Variants in TRUB2 observed in about 807,000 individuals in gnomAD.
The protein encoded by TRUB2 is TruB pseudouridine synthase family member 2.
Under a neutral mutation model 31.9 loss-of-function variants are expected in TRUB2, and 31 were observed. That is an observed-to-expected ratio of 0.97 (90% CI 0.73 to 1.31). TRUB2 has a LOEUF of 1.31. Ranked by LOEUF, TRUB2 falls within the 50% of genes most tolerant of loss-of-function variation. The pLI is 0.00. For synonymous variants in TRUB2, 201 were observed against 182.6 expected (o/e 1.10, Z -0.81); for missense variants, 451 against 439.6 (o/e 1.03, Z -0.23).
chr9:128,314,249 T>C (rs1232748006), intron 4 of TRUB2, among the ~76,000 whole-genome samples: 1 of 152,102 alleles, frequency 6.6e-6, no homozygotes, highest in Non-Finnish European at 1.5e-5. Context: ...CCTCCAAAGG[T>C]ACTGACCGCT....
In TRUB2 at chr9:128,309,207, A is replaced by G; in HGVS notation, c.*343T>C. 4.0e-6 allele frequency: 1 copy of G among 251,948 alleles called. No individual in the cohort carries two copies. Among genetic ancestry groups the G allele is most frequent in the Non-Finnish European group, 7.7e-6 (1 of 130,124 alleles). 15.6% of individuals were successfully genotyped at this position (251,948 alleles called of 1,614,324 possible). On this transcript the variant is annotated 3_prime_UTR_variant, in exon 8 of 8. Transcript: ENST00000372890. The stretch of plus-strand genomic sequence containing the variant: ...TCATATGTTCCCCAGACTAGAGTGC[A>G]GTGGCTATTCACAGGCGCCGTCTAG...
Position 128,309,328 on chromosome 9 carries a change from G to A in TRUB2, c.*222C>T. Reference sequence around the variant, plus strand: ...AAGTGCCCGCCACCACGCCTGGTCTGCCAATACTTTCTATCAGTCTGTCAT... The same window carrying A: ...AAGTGCCCGCCACCACGCCTGGTCTACCAATACTTTCTATCAGTCTGTCAT... On this transcript the variant is annotated 3_prime_UTR_variant, in exon 8 of 8. Transcript: ENST00000372890. 1 of 560,882 alleles carries A rather than the reference G, an allele frequency of 1.8e-6. No individual in the cohort carries two copies. The highest frequency in any genetic ancestry group is 3.0e-5 in the East Asian group (1 of 33,674). The allele number at this position is 560,882 out of a possible 1,614,324, so 34.7% of individuals were successfully genotyped here.
At chr9:128,313,094 G>A (rs958057921) in intron 5 of TRUB2, among the ~76,000 whole-genome samples, 3 of 151,976 alleles carry the variant, frequency 2.0e-5, no homozygotes, top group African/African-American at 4.8e-5. Flanking sequence ...GTGTGCACCT[G>A]TAATCTCAGC....
At chr9:128,313,703 T>A in intron 5 of TRUB2, 105 bp downstream of exon 5, 1 of 983,336 alleles carries the variant, frequency 1.0e-6, no homozygotes, top group South Asian at 1.4e-5. Context: ...CCAAGCCTAG[T>A]GTGTGCAGTG....
At chr9:128,316,913 C>G (rs1228963850) in intron 3 of TRUB2, 2 of 506,184 alleles carry the variant, frequency 4.0e-6, no homozygotes, top group Non-Finnish European at 7.0e-6. Flanking sequence ...GCATAAAGGG[C>G]CTCGAACTAT....
Position 128,306,767 on chromosome 9 carries a change from A to C in TRUB2, c.*2783T>G. The C allele has an allele frequency of 6.9e-6, 1 of 144,372 alleles. No homozygotes were observed. Among genetic ancestry groups the C allele is most frequent in the South Asian group, 2.2e-4 (1 of 4,636 alleles). 8.9% of individuals were successfully genotyped at this position (144,372 alleles called of 1,614,324 possible). A position where few individuals can be genotyped will look rare whatever the true frequency, so the allele number is the denominator to read the frequency against. ...TTTTTCTTTTCTGAGACAGAGTCTC[A>C]CTCTCTCGTCCAGACTGGAGTGCAG... On this transcript the variant is annotated 3_prime_UTR_variant, in exon 8 of 8. Coordinates refer to ENST00000372890, the MANE Select transcript of TRUB2 (RefSeq NM_015679.3).
chr9:128,317,167 C>G lies in TRUB2; in HGVS notation c.301G>C (p.Ala101Pro), dbSNP rs1368955876. 1.3e-6 allele frequency: 2 copies of G among 1,585,068 alleles called. No homozygotes were observed. Among genetic ancestry groups the G allele is most frequent in the African/African-American group, 1.3e-5 (1 of 74,348 alleles). ...VGVGHRLDAQ[A>P]SGVLVLGVGH... ...CATCACCTACCAAGTACTCCAGAAG[C>G]CTGGGCATCCAACCGATGTCCCACG... The change falls in exon 3 of 8, where the codon GCT (alanine) becomes CCT (proline). Residue 101 changes from alanine (A) to proline (P), a missense_variant. By Grantham distance (27) the Ala-to-Pro change is conservative. Coordinates refer to ENST00000372890, the MANE Select transcript of TRUB2 (RefSeq NM_015679.3).
intron 5 of TRUB2, among the ~76,000 whole-genome samples, chr9:128,312,964 C>T (rs888356604): frequency 1.8e-4 from 28 of 151,834 alleles, no homozygotes; most frequent in Non-Finnish European, 3.1e-4. Flanking sequence ...ACCTGTAATC[C>T]CAGCACTTTG....
intron 5 of TRUB2, among the ~76,000 whole-genome samples, chr9:128,313,301 C>T (rs1314583653): frequency 1.3e-5 from 2 of 149,738 alleles, no homozygotes; most frequent in Admixed American, 6.7e-5. Flanking sequence ...CCAAGGAGGG[C>T]GGATCATGAG....
rs1353615450 is a variant in TRUB2 at position 128,309,636 on chromosome 9, T to G, written c.910A>C (p.Thr304Pro). The G allele has an allele frequency of 6.2e-7, 1 of 1,614,038 alleles. No individual in the cohort carries two copies. The highest frequency in any genetic ancestry group is 2.2e-5 in the East Asian group (1 of 44,862). The change falls in exon 8 of 8, where the codon ACC (threonine) becomes CCC (proline). Residue 304 changes from threonine to proline, a missense_variant. Coordinates refer to ENST00000372890, the MANE Select transcript of TRUB2 (RefSeq NM_015679.3). ...LEKSLSPGLD[T>P]KQLPSPGWSW... The stretch of plus-strand genomic sequence containing the variant: ...CATCCCGGACTGGGGAGCTGCTTGG[T>G]GTCCAGCCCCGGGCTCAAGCTCTTC...
chr9:128,318,413 C>T (rs1301021115), intron 2 of TRUB2, among the ~76,000 whole-genome samples: 1 of 152,116 alleles, frequency 6.6e-6, no homozygotes, highest in East Asian at 1.9e-4. Context: ...AGGACTTCTA[C>T]CTAGGGTCTC....
At position 128,307,620 on chromosome 9, in the gene TRUB2, ACT is replaced by A. The variant is rs760935205; in HGVS notation, c.*1928_*1929del. 2.6e-5 allele frequency: 4 copies of A among 151,852 alleles called. No individual in the cohort carries two copies. The highest frequency in any genetic ancestry group is 4.4e-5 in the Non-Finnish European group (3 of 68,012). The allele number at this position is 151,852 out of a possible 1,614,324, so 9.4% of individuals were successfully genotyped here. On this transcript the variant is annotated 3_prime_UTR_variant, in exon 8 of 8. Coordinates refer to ENST00000372890, the MANE Select transcript of TRUB2 (RefSeq NM_015679.3). ...GTGGTGCACACCGGTAATCCCAGCA[ACT>A]CTGGAGACTAAGGCAGGAAGAATCG...
Position 128,322,382 on chromosome 9 carries a change from C to T in TRUB2, c.27G>A (p.Leu9=), listed in dbSNP as rs758845138. Residue 9 remains leucine (L), a synonymous_variant, in exon 1 of 8, where the codon CTG becomes CTA. Coordinates refer to ENST00000372890, the MANE Select transcript of TRUB2 (RefSeq NM_015679.3). MGSAGLSR[L]HGLFAVYKPP... ...GCTTATAGACCGCGAAAAGCCCATG[C>T]AGCCGCGACAAGCCAGCAGACCCCA... The T allele has an allele frequency of 1.9e-6, 3 of 1,614,150 alleles. No homozygotes were observed. The highest frequency in any genetic ancestry group is 2.5e-6 in the Non-Finnish European group (3 of 1,180,032).
intron 5 of TRUB2, among the ~76,000 whole-genome samples, chr9:128,313,320 A>T (rs1832007628): frequency 6.6e-6 from 1 of 151,080 alleles, no homozygotes; most frequent in Admixed American, 6.6e-5. Flanking sequence ...AGGTCAGGAG[A>T]TCCAGACCAT....
chr9:128,309,731 G>C lies in TRUB2; in HGVS notation c.815C>G (p.Thr272Ser), dbSNP rs774465094. Residue 272 changes from threonine (T) to serine (S), a missense_variant, in exon 8 of 8, where the codon ACC becomes AGC. Coordinates refer to ENST00000372890, the MANE Select transcript of TRUB2 (RefSeq NM_015679.3). ...FFTLDSALLR[T>S]QWDLTNIQDA... ...CTGGATGTTGGTTAGGTCCCACTGG[G>C]TCCTCAGGAGGGCACTGTCTAGCGT... 6.2e-7 allele frequency: 1 copy of C among 1,614,130 alleles called. No homozygotes were observed. Among genetic ancestry groups the C allele is most frequent in the East Asian group, 2.2e-5 (1 of 44,894 alleles).
rs1831865545 is a variant in TRUB2, at chr9:128,306,398, T to TG, written c.*3151dup. 1 of 151,902 alleles carries TG rather than the reference T, an allele frequency of 6.6e-6. No homozygotes were observed. Among genetic ancestry groups the TG allele is most frequent in the African/African-American group, 2.4e-5 (1 of 41,376 alleles). 9.4% of individuals were successfully genotyped at this position (151,902 alleles called of 1,614,324 possible). A position where few individuals can be genotyped will look rare whatever the true frequency, so the allele number is the denominator to read the frequency against. ...CACCCAGCTTTCCTCACCATTTCAT[T>TG]GGATTCTGCTTGTCTAAATATTGCT... On this transcript the variant is annotated 3_prime_UTR_variant, in exon 8 of 8. Coordinates refer to ENST00000372890, the MANE Select transcript of TRUB2 (RefSeq NM_015679.3).
chr9:128,309,438 G>T lies in TRUB2; in HGVS notation c.*112C>A, dbSNP rs1002666475. ...ACCTTTCTGTTACAGCTTGAGTTTT[G>T]TGTCTTACGTAGAAAAGGTGCCCCT... On this transcript the variant is annotated 3_prime_UTR_variant, in exon 8 of 8. Coordinates refer to ENST00000372890, the MANE Select transcript of TRUB2 (RefSeq NM_015679.3). The T allele has an allele frequency of 5.1e-6, 6 of 1,187,744 alleles. No individual in the cohort carries two copies. Among genetic ancestry groups the T allele is most frequent in the Non-Finnish European group, 7.0e-6 (6 of 851,838 alleles). 73.6% of individuals were successfully genotyped at this position (1,187,744 alleles called of 1,614,324 possible).
At chr9:128,315,702 C>T in intron 3 of TRUB2, 74 bp from the exon 4 acceptor site, 7 of 1,515,462 alleles carry the variant, frequency 4.6e-6, no homozygotes, top group Non-Finnish European at 6.3e-6. Flanking sequence ...CCCCTACCCC[C>T]ACCATCAGAA....
At chr9:128,311,929 A>G (rs1406448666) in intron 5 of TRUB2, among the ~76,000 whole-genome samples, 1 of 137,778 alleles carries the variant, frequency 7.3e-6, no homozygotes, top group Non-Finnish European at 1.5e-5. Flanking sequence ...TCCGCCTCCC[A>G]GGTTCATGCC....
Sources: allele counts gnomAD v4.1 joint callset (sites outside exome capture counted in the v4.1 genomes callset), GRCh38; gene constraint gnomAD v4.1.1; transcripts MANE v1.5; gene names NCBI Gene and HGNC (gene_info 2026-07-23, HGNC 2026-07-21).